Variants in FGF14 observed in about 807,000 individuals in gnomAD.
FGF14 encodes the protein fibroblast growth factor homologous factor 4.
Under a neutral mutation model 25.5 loss-of-function variants are expected in FGF14, and 5 were observed. That is an observed-to-expected ratio of 0.20 (90% CI 0.10 to 0.41). FGF14 has a LOEUF of 0.41. Among genes scored for constraint, FGF14 ranks in the 10% least tolerant of loss-of-function variants. The pLI is 1.00. For missense variants in FGF14, 222 were observed against 320.1 expected (o/e 0.69, Z 2.34); for synonymous variants, 138 against 118.3 (o/e 1.17, Z -1.08).
At position 101,713,763 on chromosome 13, in the gene FGF14, T is replaced by C. The variant is rs1024262077; in HGVS notation, c.*9068A>G. 1 of 152,192 alleles carries C rather than the reference T, an allele frequency of 6.6e-6. No homozygotes were observed. Among genetic ancestry groups the C allele is most frequent in the South Asian group, 2.1e-4 (1 of 4,814 alleles). The allele number at this position is 152,192 out of a possible 1,614,324, so 9.4% of individuals were successfully genotyped here. On this transcript the variant is annotated 3_prime_UTR_variant, in exon 5 of 5. Transcript: ENST00000376143. ...CCAAAGAGGAAGTTTTTTAGTTAGG[T>C]AGGAGAAATGGGTGAAGTGGAGGGA...
At chr13:101,793,325 T>C (rs2140100223) in intron 3 of FGF14, among the ~76,000 whole-genome samples, 1 of 152,286 alleles carries the variant, frequency 6.6e-6, no homozygotes, top group Non-Finnish European at 1.5e-5. Context: ...TGAGAATGTG[T>C]GGTATTTGTC....
chr13:102,155,497 G>C (rs868297234), intron 1 of FGF14, among the ~76,000 whole-genome samples: 7 of 152,196 alleles, frequency 4.6e-5, no homozygotes, highest in African/African-American at 1.7e-4. Flanking sequence ...AGAATCTCTG[G>C]GACACATTCA....
chr13:102,096,992 T>C (rs1270989600), intron 1 of FGF14, among the ~76,000 whole-genome samples: 1 of 151,744 alleles, frequency 6.6e-6, no homozygotes, highest in Admixed American at 6.6e-5. Flanking sequence ...ATACTTGCAA[T>C]GAAATAACTG....
chr13:101,857,962 T>G (rs971733485), intron 3 of FGF14, among the ~76,000 whole-genome samples: 2 of 152,012 alleles, frequency 1.3e-5, no homozygotes, highest in Non-Finnish European at 2.9e-5. Flanking sequence ...GAAAAATGTA[T>G]AGTTTGGCTT....
intron 1 of FGF14, among the ~76,000 whole-genome samples, chr13:102,115,244 C>T (rs2140338011): frequency 6.6e-6 from 1 of 152,278 alleles, no homozygotes; most frequent in South Asian, 2.1e-4. Context: ...AGAAGCACAG[C>T]TGTCCCCATG....
intron 3 of FGF14, among the ~76,000 whole-genome samples, chr13:101,744,486 G>C (rs1320033075): frequency 6.6e-6 from 1 of 151,848 alleles, no homozygotes; most frequent in East Asian, 1.9e-4. Flanking sequence ...AATTAGAGTG[G>C]GGACTTTGTC....
chr13:102,090,954 G>C (rs2140243022), intron 1 of FGF14, among the ~76,000 whole-genome samples: 1 of 152,240 alleles, frequency 6.6e-6, no homozygotes, highest in East Asian at 1.9e-4. Flanking sequence ...TATCATATTT[G>C]AAACTCATTT....
chr13:101,904,084 C>A lies in FGF14; in HGVS notation c.193+12369G>T, dbSNP rs116876301. 5.3e-3 allele frequency among the ~76,000 whole-genome samples: 812 copies of A among 152,284 alleles called. 6 individuals are homozygous for A. Among genetic ancestry groups the A allele is most frequent in the Non-Finnish European group, 8.4e-3 (571 of 68,024 alleles). On this transcript the variant is annotated intron_variant, in intron 1 of 4. Coordinates refer to ENST00000376143, the MANE Select transcript of FGF14 (RefSeq NM_004115.4). ...CTCTACACAGCGTGCAAAAGAAGAACTGAAAGCTGAGAGGCATCTATCAAA... is the reference window on the plus strand; with the variant it reads ...CTCTACACAGCGTGCAAAAGAAGAAATGAAAGCTGAGAGGCATCTATCAAA...
At chr13:102,146,728 C>T (rs2046870915) in intron 1 of FGF14, among the ~76,000 whole-genome samples, 1 of 152,162 alleles carries the variant, frequency 6.6e-6, no homozygotes, top group African/African-American at 2.4e-5. Context: ...CTCCAAAAAA[C>T]TGCCTGTGTT....
At chr13:101,983,614 C>T (rs957420069) in intron 1 of FGF14, among the ~76,000 whole-genome samples, 78 of 152,154 alleles carry the variant, frequency 5.1e-4, no homozygotes, top group African/African-American at 1.8e-3. Flanking sequence ...ATGCAATTCA[C>T]GTTGTTTTCC....
intron 3 of FGF14, among the ~76,000 whole-genome samples, chr13:101,840,592 A>G (rs1040940597): frequency 3.9e-5 from 6 of 152,006 alleles, no homozygotes; most frequent in Admixed American, 2.0e-4. Flanking sequence ...TATTGAAATA[A>G]TACTGTAAGA....
intron 1 of FGF14, among the ~76,000 whole-genome samples, chr13:102,160,521 A>C (rs2047574273): frequency 6.6e-6 from 1 of 152,044 alleles, no homozygotes; most frequent in Non-Finnish European, 1.5e-5. Flanking sequence ...CACATGAGCA[A>C]ATCTTAGCCT....
At chr13:102,194,611 G>A (rs1236813423) in intron 1 of FGF14, among the ~76,000 whole-genome samples, 1 of 152,154 alleles carries the variant, frequency 6.6e-6, no homozygotes, top group Non-Finnish European at 1.5e-5. Flanking sequence ...CAATGTCCCT[G>A]TGATGCTATC....
At chr13:102,365,336 T>C (rs1387706215) in intron 1 of FGF14, among the ~76,000 whole-genome samples, 1 of 152,076 alleles carries the variant, frequency 6.6e-6, no homozygotes, top group Admixed American at 6.6e-5. Context: ...TGGAAAGATC[T>C]GAAGTCAACA....
At chr13:102,352,785 C>T (rs1372521282) in intron 1 of FGF14, among the ~76,000 whole-genome samples, 2 of 144,358 alleles carry the variant, frequency 1.4e-5, no homozygotes, top group African/African-American at 2.6e-5. Context: ...GCACTCCAGC[C>T]TGGGCGACAG....
intron 1 of FGF14, among the ~76,000 whole-genome samples, chr13:102,340,758 G>A (rs1333407651): frequency 6.6e-6 from 1 of 152,126 alleles, no homozygotes; most frequent in Non-Finnish European, 1.5e-5. Context: ...TAAAGGCAAG[G>A]TAATCAGTTA....
At chr13:102,286,516 TTCTC>T (rs2054106753) in intron 1 of FGF14, among the ~76,000 whole-genome samples, 1 of 152,224 alleles carries the variant, frequency 6.6e-6, no homozygotes, top group Non-Finnish European at 1.5e-5. Context: ...GTAGTATTAC[TTCTC>T]TCTATGTATA....
chr13:101,725,279 T>C (rs1216323350), intron 4 of FGF14, among the ~76,000 whole-genome samples: 6 of 152,112 alleles, frequency 3.9e-5, no homozygotes, highest in Non-Finnish European at 7.4e-5. Flanking sequence ...ATGGATGTGT[T>C]TTTTTTGGGA....
At chr13:102,202,445 G>C (rs550745452) in intron 1 of FGF14, among the ~76,000 whole-genome samples, 2 of 152,184 alleles carry the variant, frequency 1.3e-5, no homozygotes, top group Non-Finnish European at 2.9e-5. Flanking sequence ...AGAGAGAGAA[G>C]GTGATAAGTG....
Sources: allele counts gnomAD v4.1 joint callset (sites outside exome capture counted in the v4.1 genomes callset), GRCh38; gene constraint gnomAD v4.1.1; transcripts MANE v1.5; gene names NCBI Gene and HGNC (gene_info 2026-07-23, HGNC 2026-07-21).